Variants in CACNB2 observed in about 807,000 individuals in gnomAD.
CACNB2 encodes voltage-dependent L-type calcium channel subunit beta-2.
Under a neutral mutation model 73.3 loss-of-function variants are expected in CACNB2, and 42 were observed. The observed-to-expected ratio is 0.57, with a 90% confidence interval of 0.45 to 0.74. CACNB2 has a LOEUF of 0.74. Among genes scored for constraint, CACNB2 ranks in the 30% least tolerant of loss-of-function variants. The probability of loss-of-function intolerance (pLI) is 0.00; values close to 1 mark genes in which losing one functional copy is unlikely to be tolerated. For synonymous variants in CACNB2, 348 were observed against 310.3 expected (o/e 1.12, Z -1.28); for missense variants, 940 against 853.0 (o/e 1.10, Z -1.27).
chr10:18,297,264 G>T (rs1281638199), intron 2 of CACNB2, among the ~76,000 whole-genome samples: 1 of 152,074 alleles, frequency 6.6e-6, no homozygotes, highest in East Asian at 1.9e-4. Context: ...AATTCCTCAG[G>T]CCAGGCACAA....
intron 2 of CACNB2, among the ~76,000 whole-genome samples, chr10:18,244,307 C>T (rs1305482783): frequency 6.6e-6 from 1 of 152,162 alleles, no homozygotes; most frequent in African/African-American, 2.4e-5. Flanking sequence ...TTGAATTTAG[C>T]AATGGATTTC....
intron 2 of CACNB2, among the ~76,000 whole-genome samples, chr10:18,307,273 T>C (rs983654125): frequency 6.6e-6 from 1 of 152,078 alleles, no homozygotes; most frequent in Non-Finnish European, 1.5e-5. Context: ...ACCAGCCTAG[T>C]CAACTTAGTG....
intron 2 of CACNB2, among the ~76,000 whole-genome samples, chr10:18,357,986 G>C (rs2041991093): frequency 6.6e-6 from 1 of 152,136 alleles, no homozygotes; most frequent in African/African-American, 2.4e-5. Context: ...TCAACATCCA[G>C]CACATCATTG....
chr10:18,157,203 A>C (rs890434760), intron 2 of CACNB2, among the ~76,000 whole-genome samples: 1 of 152,184 alleles, frequency 6.6e-6, no homozygotes, highest in Admixed American at 6.5e-5. Context: ...TTTATCTTTT[A>C]TGTAAATTAT....
At chr10:18,487,830 C>T (rs540858330) in intron 3 of CACNB2, among the ~76,000 whole-genome samples, 1 of 101,286 alleles carries the variant, frequency 9.9e-6, no homozygotes. Flanking sequence ...CAGAGCAAGA[C>T]TCCATCTCAA....
At chr10:18,422,088 C>T (rs929138347) in intron 3 of CACNB2, among the ~76,000 whole-genome samples, 7 of 152,310 alleles carry the variant, frequency 4.6e-5, no homozygotes, top group East Asian at 1.9e-4. Context: ...ATGGTCTAGA[C>T]GAACATGAAC....
intron 3 of CACNB2, among the ~76,000 whole-genome samples, chr10:18,410,782 G>C (rs7079457): frequency 0.22 from 33,191 of 151,900 alleles, 5,993 homozygotes; most frequent in African/African-American, 0.49. Context: ...GAGTTTGAGA[G>C]CAGCCTGGCC....
chr10:18,392,521 G>A (rs1307665257), intron 2 of CACNB2, among the ~76,000 whole-genome samples: 1 of 152,140 alleles, frequency 6.6e-6, no homozygotes, highest in Non-Finnish European at 1.5e-5. Flanking sequence ...AGGGAGCAGA[G>A]CCAACTTTTT....
At chr10:18,150,004 T>A (rs1370930593) in intron 1 of CACNB2, among the ~76,000 whole-genome samples, 4 of 152,238 alleles carry the variant, frequency 2.6e-5, no homozygotes, top group Non-Finnish European at 5.9e-5. Flanking sequence ...AGATTTGCTA[T>A]GTCCAGGATT....
intron 2 of CACNB2, among the ~76,000 whole-genome samples, chr10:18,250,883 C>T (rs372262390): frequency 2.0e-5 from 3 of 152,244 alleles, no homozygotes; most frequent in East Asian, 3.9e-4. Flanking sequence ...CATCTTCTCC[C>T]CAGTCTCTGG....
intron 2 of CACNB2, among the ~76,000 whole-genome samples, chr10:18,233,067 A>G (rs919862147): frequency 9.2e-5 from 14 of 152,232 alleles, no homozygotes; most frequent in African/African-American, 2.9e-4. Flanking sequence ...CCTGGGTGAC[A>G]GGGCAAGACC....
intron 2 of CACNB2, among the ~76,000 whole-genome samples, chr10:18,184,970 G>A (rs1296779083): frequency 6.6e-6 from 1 of 152,086 alleles, no homozygotes; most frequent in African/African-American, 2.4e-5. Context: ...CTCCTGAGTA[G>A]CTGGGACTAC....
At chr10:18,387,244 C>T (rs1362196975) in intron 2 of CACNB2, among the ~76,000 whole-genome samples, 1 of 152,204 alleles carries the variant, frequency 6.6e-6, no homozygotes, top group Non-Finnish European at 1.5e-5. Flanking sequence ...ATATCTATTT[C>T]CCTTTAGAAG....
intron 2 of CACNB2, among the ~76,000 whole-genome samples, chr10:18,300,376 G>A (rs2039460136): frequency 6.6e-6 from 1 of 152,160 alleles, no homozygotes; most frequent in Admixed American, 6.5e-5. Context: ...GTAACAAGTT[G>A]ACTCCTACAC....
intron 2 of CACNB2, among the ~76,000 whole-genome samples, chr10:18,184,067 A>G (rs1461496051): frequency 3.3e-5 from 5 of 152,260 alleles, no homozygotes; most frequent in African/African-American, 9.6e-5. Flanking sequence ...TCTTATTAAC[A>G]GAACTTGCTG....
intron 2 of CACNB2, among the ~76,000 whole-genome samples, chr10:18,238,989 A>G (rs1019884583): frequency 5.9e-5 from 9 of 152,126 alleles, no homozygotes; most frequent in African/African-American, 2.2e-4. Flanking sequence ...GTGTTTTAAG[A>G]TTTGATGGCA....
At chr10:18,337,065 A>G (rs1314176953) in intron 2 of CACNB2, among the ~76,000 whole-genome samples, 1 of 152,126 alleles carries the variant, frequency 6.6e-6, no homozygotes, top group Non-Finnish European at 1.5e-5. Flanking sequence ...TACTGTAAAA[A>G]CAAATTGGTA....
intron 2 of CACNB2, among the ~76,000 whole-genome samples, chr10:18,327,681 C>T: frequency 6.6e-6 from 1 of 152,206 alleles, no homozygotes; most frequent in East Asian, 1.9e-4. Context: ...ACCTCGGCCT[C>T]CCAAAGTGCT....
At chr10:18,511,405 T>C (rs144585408) in intron 6 of CACNB2, among the ~76,000 whole-genome samples, 240 of 152,330 alleles carry the variant, frequency 1.6e-3, no homozygotes, top group African/African-American at 5.6e-3. Flanking sequence ...TTAATATTCA[T>C]AACAACTTCA....
Sources: gnomAD v4.1 joint callset for allele counts (sites outside exome capture counted in the v4.1 genomes callset) on GRCh38, gnomAD v4.1.1 for gene constraint, MANE v1.5 for transcripts, NCBI Gene and HGNC (gene_info 2026-07-23, HGNC 2026-07-21) for gene names.